Variants in INSR observed in about 807,000 individuals in gnomAD.
The protein encoded by INSR is IR.
Under a neutral mutation model 142.6 loss-of-function variants are expected in INSR, and 67 were observed. The ratio of observed to expected loss-of-function variants is 0.47; its 90% CI spans 0.39 to 0.58. The LOEUF is 0.58. Among genes scored for constraint, INSR ranks in the 20% least tolerant of loss-of-function variants. INSR has a pLI of 0.00. For missense variants in INSR, 1,248 were observed against 1,833.2 expected, an observed-to-expected ratio of 0.68 and a Z score of 5.83; for synonymous variants, 756 against 743.1, an observed-to-expected ratio of 1.02 and a Z score of -0.28.
chr19:7,175,910 C>G (rs752453777), intron 3 of INSR, among the ~76,000 whole-genome samples: 6 of 151,910 alleles, frequency 3.9e-5, no homozygotes, highest in Non-Finnish European at 5.9e-5. Context: ...CAGAAAAGAA[C>G]CACTGCCTTA....
At chr19:7,232,061 G>A (rs1024555062) in intron 2 of INSR, among the ~76,000 whole-genome samples, 2 of 152,062 alleles carry the variant, frequency 1.3e-5, no homozygotes, top group African/African-American at 4.8e-5. Flanking sequence ...AGTAATCATT[G>A]TAACACCTCA....
intron 1 of INSR, among the ~76,000 whole-genome samples, chr19:7,269,778 C>T (rs1370848798): frequency 6.6e-6 from 1 of 152,182 alleles, no homozygotes; most frequent in African/African-American, 2.4e-5. Flanking sequence ...CTCAAGGACA[C>T]ACAACTCACC....
intron 2 of INSR, among the ~76,000 whole-genome samples, chr19:7,193,627 G>A (rs987836075): frequency 3.3e-5 from 5 of 152,040 alleles, no homozygotes; most frequent in East Asian, 1.9e-4. Context: ...TACTATGTAT[G>A]TGTACTATCC....
rs890810205 is a variant in INSR at position 7,114,474 on chromosome 19, G to T, written c.*2582C>A. 6.6e-6 allele frequency: 1 copy of T among 152,328 alleles called. No homozygotes were observed. Among genetic ancestry groups the T allele is most frequent in the African/African-American group, 2.4e-5 (1 of 41,440 alleles). The allele number at this position is 152,328 out of a possible 1,614,324, so 9.4% of individuals were successfully genotyped here. On this transcript the variant is annotated 3_prime_UTR_variant, in exon 22 of 22. Transcript: ENST00000302850. ...AGAGAAGAATATTACCAGCCAGGAA[G>T]AAAAGGATCTATGCTCGCATAAAGG... is the stretch of plus-strand genomic sequence containing the variant.
intron 13 of INSR, among the ~76,000 whole-genome samples, chr19:7,138,723 G>A (rs369923536): frequency 3.9e-5 from 6 of 152,174 alleles, no homozygotes; most frequent in African/African-American, 4.8e-5. Flanking sequence ...TGGATGCACC[G>A]TCTTCCATGT....
chr19:7,245,099 C>T (rs943850351), intron 2 of INSR, among the ~76,000 whole-genome samples: 1 of 151,766 alleles, frequency 6.6e-6, no homozygotes, highest in Non-Finnish European at 1.5e-5. Flanking sequence ...CCATGCCCGG[C>T]TAATTTTTTT....
At chr19:7,215,180 G>A (rs1040823940) in intron 2 of INSR, among the ~76,000 whole-genome samples, 2 of 152,164 alleles carry the variant, frequency 1.3e-5, no homozygotes, top group Non-Finnish European at 2.9e-5. Flanking sequence ...ACTAGGATTC[G>A]AACCCAGGAC....
At chr19:7,151,990 G>A (rs1388746038) in intron 10 of INSR, 3 of 147,260 alleles carry the variant, frequency 2.0e-5, no homozygotes, top group Admixed American at 2.0e-4. Context: ...TTTTTTGGTA[G>A]CGATGGGGTC....
rs182807577 is a variant in INSR, at chr19:7,152,621, T to C, written c.2231+105A>G. On this transcript the variant is annotated intron_variant, in intron 10 of 21. Transcript: ENST00000302850. ...GCTCCATTCAGACTCCACCCACCCTTCTGCCGTCTCTGGGTCCCACTACCT... is the reference window on the plus strand; with the variant it reads ...GCTCCATTCAGACTCCACCCACCCTCCTGCCGTCTCTGGGTCCCACTACCT... 2.2e-4 allele frequency: 207 copies of C among 936,560 alleles called. No individual in the cohort carries two copies. In the East Asian group the frequency reaches 3.8e-3, roughly 17 times the overall value. 58.0% of individuals were successfully genotyped at this position (936,560 alleles called of 1,614,324 possible). A position where few individuals can be genotyped will look rare whatever the true frequency, so the allele number is the denominator to read the frequency against.
At chr19:7,163,342 C>T (rs562980383) in intron 8 of INSR, 143 bp from the exon 9 acceptor site, 5 of 780,418 alleles carry the variant, frequency 6.4e-6, no homozygotes, top group African/African-American at 1.7e-5. Flanking sequence ...AGGCGGATCA[C>T]GAGGTCAGGA....
At chr19:7,131,207 C>T (rs1972773437) in intron 14 of INSR, among the ~76,000 whole-genome samples, 2 of 151,224 alleles carry the variant, frequency 1.3e-5, no homozygotes, top group Admixed American at 1.3e-4. Context: ...AGTGTAAGTA[C>T]AGACTAACAC....
intron 14 of INSR, among the ~76,000 whole-genome samples, chr19:7,129,213 G>A (rs1355022313): frequency 1.3e-5 from 2 of 152,152 alleles, no homozygotes; most frequent in Non-Finnish European, 2.9e-5. Flanking sequence ...CCAAATCACT[G>A]CTCATTTCCA....
At chr19:7,264,076 G>C (rs569632179) in intron 2 of INSR, among the ~76,000 whole-genome samples, 2 of 152,168 alleles carry the variant, frequency 1.3e-5, no homozygotes, top group African/African-American at 4.8e-5. Flanking sequence ...GGCTGAGGCA[G>C]GAGAATCGCT....
intron 2 of INSR, among the ~76,000 whole-genome samples, chr19:7,211,300 C>G (rs10405423): frequency 7.9e-5 from 12 of 152,006 alleles, no homozygotes; most frequent in African/African-American, 2.9e-4. Context: ...CTCCTGGCCT[C>G]GAGAATTCCT....
intron 13 of INSR, among the ~76,000 whole-genome samples, chr19:7,136,482 A>C (rs1038891775): frequency 2.6e-5 from 4 of 152,050 alleles, no homozygotes; most frequent in Non-Finnish European, 4.4e-5. Context: ...CCCTGTTGGC[A>C]CTGGATTTAA....
At chr19:7,132,074 C>A in intron 14 of INSR, 84 bp downstream of exon 14, 1 of 1,563,412 alleles carries the variant, frequency 6.4e-7, no homozygotes, top group South Asian at 1.1e-5. Context: ...CACCTGCGGC[C>A]TCTCCAAGTC....
chr19:7,194,598 C>T (rs12982656), intron 2 of INSR, among the ~76,000 whole-genome samples: 25,573 of 143,578 alleles, frequency 0.18, 2,589 homozygotes, highest in Non-Finnish European at 0.23. Flanking sequence ...CTGTAACCCC[C>T]ATGTCCTGGG....
At position 7,142,968 on chromosome 19, in the gene INSR, G is replaced by C; in HGVS notation, c.2390C>G (p.Pro797Arg). ...SVPTSPEEHRPFEKVVNKESL... is the reference protein window; with the variant it reads ...SVPTSPEEHRRFEKVVNKESL... ...CTCCTTGTTCACCACCTTCTCAAAA[G>C]GCCTGTGCTCCTCCGGACTCGTGGG... Residue 797 changes from proline to arginine, a missense_variant, in exon 12 of 22, where the codon CCT (proline) becomes CGT (arginine). This residue lies in a region of INSR where 1,069 missense variants were observed against 1,654.0 expected (regional missense o/e 0.65). Transcript: ENST00000302850. 6.2e-7 allele frequency: 1 copy of C among 1,614,182 alleles called. No individual in the cohort carries two copies. Among genetic ancestry groups the C allele is most frequent in the South Asian group, 1.1e-5 (1 of 91,080 alleles).
At chr19:7,220,072 A>G (rs1272875669) in intron 2 of INSR, among the ~76,000 whole-genome samples, 1 of 152,202 alleles carries the variant, frequency 6.6e-6, no homozygotes, top group Non-Finnish European at 1.5e-5. Flanking sequence ...TGAGCCAATC[A>G]TAAGAGTCTG....
Sources: allele counts gnomAD v4.1 joint callset (sites outside exome capture counted in the v4.1 genomes callset), GRCh38; gene constraint gnomAD v4.1.1; regional missense constraint gnomAD v4.1.1; transcripts MANE v1.5; gene names NCBI Gene and HGNC (gene_info 2026-07-23, HGNC 2026-07-21).